The following TES variants were observed in gnomAD, a reference collection of about 807,000 sequenced individuals.
The protein encoded by TES is testin.
A neutral mutation model predicts 48.2 loss-of-function variants in TES; 41 were observed. That is an observed-to-expected ratio of 0.85 (90% CI 0.66 to 1.10). TES has a LOEUF of 1.10. Ranked by LOEUF, TES falls within the 50% of genes least tolerant of loss-of-function variation. The probability of loss-of-function intolerance (pLI) is 0.00; values close to 1 mark genes in which losing one functional copy is unlikely to be tolerated. For synonymous variants in TES, 162 were observed against 174.9 expected (o/e 0.93, Z 0.58); for missense variants, 463 against 515.1 (o/e 0.90, Z 0.98).
intron 1 of TES, among the ~76,000 whole-genome samples, chr7:116,234,309 C>T (rs1799737396): frequency 6.6e-6 from 1 of 152,038 alleles, no homozygotes. Flanking sequence ...CAGTTATATT[C>T]TGATGCTTTT....
chr7:116,241,477 C>T (rs1028357641), intron 2 of TES, among the ~76,000 whole-genome samples: 1 of 152,056 alleles, frequency 6.6e-6, no homozygotes, highest in Non-Finnish European at 1.5e-5. Context: ...GTGGTCATCC[C>T]AACTGTTTTA....
chr7:116,230,788 TC>T (rs79693545), intron 1 of TES, among the ~76,000 whole-genome samples: 18,326 of 152,238 alleles, frequency 0.12, 1,109 homozygotes, highest in South Asian at 0.19. Flanking sequence ...TTTTGGCTCT[TC>T]CTTTGCCCTC....
At chr7:116,220,780 A>G (rs1799546402) in intron 1 of TES, among the ~76,000 whole-genome samples, 1 of 152,178 alleles carries the variant, frequency 6.6e-6, no homozygotes, top group African/African-American at 2.4e-5. Flanking sequence ...TGAATTTGGG[A>G]AAGCTACTTA....
chr7:116,225,380 T>G (rs1045294738), intron 1 of TES, among the ~76,000 whole-genome samples: 5 of 152,144 alleles, frequency 3.3e-5, no homozygotes, highest in Admixed American at 6.5e-5. Context: ...CTTAATACTG[T>G]TACTGCCTTA....
rs143160810 is a variant in TES, at chr7:116,232,065, C to T, written c.28-2469C>T. Among the ~76,000 whole-genome samples the T allele has an allele frequency of 8.4e-4, 128 of 152,228 alleles. 1 individual carries two copies. The highest frequency in any genetic ancestry group is 3.4e-3 in the Middle Eastern group (1 of 294). On this transcript the variant is annotated intron_variant, in intron 1 of 6. Coordinates refer to ENST00000358204, the MANE Select transcript of TES (RefSeq NM_015641.4). ...AGCCTTAGTGTAAAAACTGCTGACT[C>T]ATGGAGGTTCTAGTTACATTTGCTG...
chr7:116,241,831 G>C (rs946092393), intron 2 of TES, among the ~76,000 whole-genome samples: 8 of 151,950 alleles, frequency 5.3e-5, no homozygotes, highest in African/African-American at 1.7e-4. Flanking sequence ...TCTTCTAATT[G>C]TCAAGACAAA....
chr7:116,238,585 C>CATTATTATT (rs375782060), intron 2 of TES, among the ~76,000 whole-genome samples: 24,105 of 129,230 alleles, frequency 0.19, 2,160 homozygotes, highest in Middle Eastern at 0.25. Context: ...CAACATCCAT[C>CATTATTATT]ATTATTATTA....
intron 6 of TES, among the ~76,000 whole-genome samples, chr7:116,253,135 A>T (rs887245411): frequency 6.6e-6 from 1 of 152,262 alleles, no homozygotes; most frequent in African/African-American, 2.4e-5. Context: ...AGGAGTATCC[A>T]AATAGACATT....
At chr7:116,241,227 A>G (rs34190752) in intron 2 of TES, among the ~76,000 whole-genome samples, 4 of 152,212 alleles carry the variant, frequency 2.6e-5, no homozygotes, top group African/African-American at 4.8e-5. Context: ...AGGTATTTCT[A>G]AAAGTAAAAT....
intron 1 of TES, among the ~76,000 whole-genome samples, chr7:116,216,929 C>T (rs1336038083): frequency 1.3e-5 from 2 of 151,744 alleles, no homozygotes; most frequent in Non-Finnish European, 2.9e-5. Context: ...CAAAATAAGG[C>T]TGTTAAAATA....
chr7:116,243,304 ATTG>A (rs774527275), intron 2 of TES, among the ~76,000 whole-genome samples: 7 of 152,092 alleles, frequency 4.6e-5, no homozygotes, highest in African/African-American at 1.4e-4. Flanking sequence ...CGCCACTCTT[ATTG>A]TTATGTTGTC....
intron 1 of TES, among the ~76,000 whole-genome samples, chr7:116,220,515 T>G (rs1451527547): frequency 6.6e-6 from 1 of 152,192 alleles, no homozygotes; most frequent in Non-Finnish European, 1.5e-5. Context: ...AGATCTAATC[T>G]GCAAAACATG....
At chr7:116,245,225 C>T (rs1014399688) in intron 2 of TES, among the ~76,000 whole-genome samples, 1 of 152,182 alleles carries the variant, frequency 6.6e-6, no homozygotes, top group African/African-American at 2.4e-5. Context: ...ATCGCATTGT[C>T]AGGCTGCAAA....
intron 1 of TES, chr7:116,222,899 T>A: frequency 1.1e-6 from 1 of 885,616 alleles, no homozygotes; most frequent in Non-Finnish European, 1.4e-6. Flanking sequence ...TAAGAAGCAA[T>A]TTCAGCTGCA....
chr7:116,253,446 A>C (rs1360386156), intron 6 of TES, among the ~76,000 whole-genome samples: 1 of 152,022 alleles, frequency 6.6e-6, no homozygotes, highest in Non-Finnish European at 1.5e-5. Context: ...TATTTTGACT[A>C]TTGCAGTGGC....
chr7:116,219,020 C>T (rs2116574165), intron 1 of TES, among the ~76,000 whole-genome samples: 1 of 152,236 alleles, frequency 6.6e-6, no homozygotes. Context: ...ACTTTGTGAA[C>T]TGCCACTTTG....
intron 2 of TES, among the ~76,000 whole-genome samples, chr7:116,247,660 G>A (rs55677916): frequency 9.9e-5 from 15 of 152,244 alleles, no homozygotes; most frequent in Non-Finnish European, 1.9e-4. Context: ...GCAGATGCAC[G>A]TTTGGTTGAC....
intron 1 of TES, among the ~76,000 whole-genome samples, chr7:116,229,033 T>TATATATATATAAAA (rs1417517023): frequency 8.7e-6 from 1 of 115,496 alleles, no homozygotes; most frequent in African/African-American, 3.4e-5. Flanking sequence ...TATATATATA[T>TATATATATATAAAA]AATCATTTCC....
intron 2 of TES, among the ~76,000 whole-genome samples, chr7:116,236,472 G>T (rs1483498209): frequency 6.6e-6 from 1 of 152,084 alleles, no homozygotes; most frequent in Non-Finnish European, 1.5e-5. Flanking sequence ...TTAATTTTAT[G>T]TTTAAACTTG....
Sources: gnomAD v4.1 joint callset for allele counts (sites outside exome capture counted in the v4.1 genomes callset) on GRCh38, gnomAD v4.1.1 for gene constraint, MANE v1.5 for transcripts, NCBI Gene and HGNC (gene_info 2026-07-23, HGNC 2026-07-21) for gene names.